Variants in WDR41 observed in about 807,000 individuals in gnomAD.
The protein encoded by WDR41 is WD repeat domain 41.
WDR41 carries 63 observed loss-of-function variants against 69.3 expected under a neutral mutation model. That is an observed-to-expected ratio of 0.91 (90% CI 0.74 to 1.12). The LOEUF is 1.12. Ranked by LOEUF, WDR41 falls within the 50% of genes most tolerant of loss-of-function variation. WDR41 has a pLI of 0.00. For missense variants in WDR41, 543 were observed against 534.5 expected (o/e 1.02, Z -0.16); for synonymous variants, 185 against 192.1 (o/e 0.96, Z 0.31).
chr5:77,595,571 G>T (rs1744212565), intron 1 of WDR41, among the ~76,000 whole-genome samples: 1 of 151,274 alleles, frequency 6.6e-6, no homozygotes, highest in Non-Finnish European at 1.5e-5. Context: ...TAAACATTTT[G>T]TCCCGCATTT....
intron 1 of WDR41, among the ~76,000 whole-genome samples, chr5:77,514,618 G>A (rs527792268): frequency 1.1e-4 from 17 of 152,152 alleles, no homozygotes; most frequent in Middle Eastern, 3.2e-3. Flanking sequence ...GACAAATAGA[G>A]TAATGGTCAG....
At chr5:77,527,944 C>T (rs903762555) in intron 1 of WDR41, among the ~76,000 whole-genome samples, 2 of 151,442 alleles carry the variant, frequency 1.3e-5, no homozygotes, top group African/African-American at 4.8e-5. Flanking sequence ...AAATGTACAC[C>T]ATTAAATGCA....
intron 1 of WDR41, among the ~76,000 whole-genome samples, chr5:77,518,165 G>A (rs1264119757): frequency 2.7e-5 from 4 of 148,810 alleles, no homozygotes; most frequent in East Asian, 2.0e-4. Flanking sequence ...CCATAGATAC[G>A]TATCAGTATA....
At position 77,604,852 on chromosome 5, in the gene WDR41, T is replaced by A. The variant is rs142534796; in HGVS notation, c.42+15627A>T. Among the ~76,000 whole-genome samples the A allele has an allele frequency of 9.9e-4, 150 of 152,212 alleles. 3 individuals carry two copies. The East Asian group carries it at 0.024, about 25-fold the overall frequency. On this transcript the variant is annotated intron_variant, in intron 1 of 5. Transcript: ENST00000509971. The stretch of plus-strand genomic sequence containing the variant: ...TGTACTGAGGTAGAAATCTCTCCAA[T>A]GTACACTATATGAAAAAAGTAGTGT...
intron 1 of WDR41, among the ~76,000 whole-genome samples, chr5:77,564,002 G>A (rs970070819): frequency 6.6e-6 from 1 of 152,076 alleles, no homozygotes; most frequent in Non-Finnish European, 1.5e-5. Context: ...ATCTTTGGGT[G>A]AGTTATTTAA....
intron 2 of WDR41, among the ~76,000 whole-genome samples, chr5:77,474,323 A>G (rs539460308): frequency 6.6e-6 from 1 of 152,274 alleles, no homozygotes; most frequent in African/African-American, 2.4e-5. Flanking sequence ...ATTTGGAGAT[A>G]TAACTAATGT....
chr5:77,445,541 C>A (rs1418419648), intron 8 of WDR41, among the ~76,000 whole-genome samples: 2 of 152,132 alleles, frequency 1.3e-5, no homozygotes, highest in Non-Finnish European at 2.9e-5. Context: ...TACTGGCAAA[C>A]CAAATCCAGC....
intron 2 of WDR41, among the ~76,000 whole-genome samples, chr5:77,472,811 G>A (rs1247665558): frequency 6.6e-6 from 1 of 152,024 alleles, no homozygotes; most frequent in African/African-American, 2.4e-5. Flanking sequence ...CTCATGGGTA[G>A]GAAGAATCAA....
chr5:77,506,602 G>C (rs934746843), intron 1 of WDR41, among the ~76,000 whole-genome samples: 2 of 152,150 alleles, frequency 1.3e-5, no homozygotes, highest in African/African-American at 4.8e-5. Context: ...GTTTATTGCA[G>C]TACTATTCAC....
chr5:77,456,470 G>C (rs755036032), intron 5 of WDR41, among the ~76,000 whole-genome samples: 13 of 152,170 alleles, frequency 8.5e-5, no homozygotes, highest in Non-Finnish European at 1.9e-4. Flanking sequence ...AGCCTCAATA[G>C]TTTGGTTGTG....
intron 2 of WDR41, among the ~76,000 whole-genome samples, chr5:77,467,937 TTTTC>T (rs1248038354): frequency 6.6e-6 from 1 of 151,912 alleles, no homozygotes; most frequent in African/African-American, 2.4e-5. Context: ...ACTTCAGGTT[TTTTC>T]TTTAACTTAA....
At chr5:77,437,482 A>C in intron 10 of WDR41, 58 bp from the exon 11 acceptor site, 2 of 1,449,726 alleles carry the variant, frequency 1.4e-6, no homozygotes, top group South Asian at 2.3e-5. Context: ...GCCAATGCTA[A>C]ATTTGCAGTG....
intron 2 of WDR41, among the ~76,000 whole-genome samples, chr5:77,476,584 G>T (rs1297635749): frequency 6.6e-6 from 1 of 151,074 alleles, no homozygotes. Context: ...AGCTTCATAA[G>T]TGAAGGAGAA....
chr5:77,563,811 A>C (rs561549400), intron 1 of WDR41, among the ~76,000 whole-genome samples: 1 of 152,310 alleles, frequency 6.6e-6, no homozygotes, highest in East Asian at 1.9e-4. Context: ...AATTTTTAAA[A>C]TATAGAATTC....
chr5:77,527,590 A>G lies in WDR41; in HGVS notation c.43-38018T>C, dbSNP rs543304320. On this transcript the variant is annotated intron_variant, in intron 1 of 5. Transcript: ENST00000509971. ...GACTATACAATTTAAACAGAAGAAG[A>G]AGAAACTTGACCTGATTGATATAAA... Among the ~76,000 whole-genome samples the G allele has an allele frequency of 2.6e-5, 4 of 152,012 alleles. No individual in the cohort carries two copies. The South Asian group carries it at 8.3e-4, about 31-fold the overall frequency.
chr5:77,579,509 A>G (rs913195558), intron 1 of WDR41, among the ~76,000 whole-genome samples: 16 of 152,122 alleles, frequency 1.1e-4, no homozygotes, highest in Admixed American at 9.2e-4. Flanking sequence ...ACCATAAGAT[A>G]GTAGAACAAC....
At chr5:77,466,054 A>T (rs2151327892) in intron 2 of WDR41, among the ~76,000 whole-genome samples, 2 of 152,086 alleles carry the variant, frequency 1.3e-5, no homozygotes, top group East Asian at 3.9e-4. Flanking sequence ...GGAGACATGA[A>T]ATTGATCAAA....
Position 77,437,378 on chromosome 5 carries a change from A to C in WDR41, c.1051T>G (p.Leu351Val). 6.2e-7 allele frequency: 1 copy of C among 1,613,936 alleles called. No homozygotes were observed. Residue 351 changes from leucine to valine, a missense_variant, in exon 11 of 13, where the codon TTA (leucine) becomes GTA (valine). By Grantham distance (32) the Leu-to-Val change is conservative. Transcript: ENST00000296679. Reference protein sequence around the residue: ...SEDGSVRIWELREKQQLAAEP... With the variant: ...SEDGSVRIWEVREKQQLAAEP... ...GCTGCAAGCTGCTGTTTTTCTCTTA[A>C]CTCCCAAATGCGTACACTGCCATCT... is the stretch of plus-strand genomic sequence containing the variant.
At chr5:77,564,541 C>T (rs773083592) in intron 1 of WDR41, among the ~76,000 whole-genome samples, 7 of 152,306 alleles carry the variant, frequency 4.6e-5, no homozygotes, top group African/African-American at 7.2e-5. Context: ...AATCATCTCA[C>T]GTTCTAAATG....
Sources: gnomAD v4.1 joint callset for allele counts (sites outside exome capture counted in the v4.1 genomes callset) on GRCh38, gnomAD v4.1.1 for gene constraint, MANE v1.5 for transcripts, NCBI Gene and HGNC (gene_info 2026-07-23, HGNC 2026-07-21) for gene names.